GNAL: variants seen among roughly 807,000 people sequenced by gnomAD.
The protein encoded by GNAL is G protein subunit alpha L.
In GNAL, 18 loss-of-function variants were observed where a neutral mutation model predicts 55.1. The ratio of observed to expected loss-of-function variants is 0.33; its 90% CI spans 0.23 to 0.48. GNAL has a LOEUF of 0.48. GNAL is among the 20% of genes least tolerant of loss of function. The pLI, the probability that GNAL is intolerant of heterozygous loss-of-function variation, is 0.99. For synonymous variants in GNAL, 253 were observed against 237.0 expected, an observed-to-expected ratio of 1.07 and a Z score of -0.62; for missense variants, 412 against 614.1, an observed-to-expected ratio of 0.67 and a Z score of 3.48.
At chr18:11,747,171 C>G (rs1323646160) in intron 1 of GNAL, 1 of 388,018 alleles carries the variant, frequency 2.6e-6, no homozygotes, top group Non-Finnish European at 5.1e-6. Context: ...TCTGCATCAT[C>G]GATTTTCTTC....
Position 11,868,694 on chromosome 18 carries a change from T to C in GNAL, c.1031+31T>C, listed in dbSNP as rs1044957857. The C allele has an allele frequency of 1.9e-6, 3 of 1,582,346 alleles. No homozygotes were observed. The highest frequency in any genetic ancestry group is 1.8e-5 in the Admixed American group (1 of 54,548). On this transcript the variant is annotated intron_variant, in intron 9 of 11. Coordinates refer to ENST00000334049, the MANE Select transcript of GNAL (RefSeq NM_182978.4). This position sits in a 1 kb window ranked among gnomAD's most constrained non-coding sequence, Gnocchi z 4.0. ...AAAAATAGCAAATTCAGTCTTACCA[T>C]TGGATTGCAAATTTTCTTTTGTTAA... is the stretch of plus-strand genomic sequence containing the variant.
At position 11,697,940 on chromosome 18, in the gene GNAL, C is replaced by T. The variant is rs114605592; in HGVS notation, c.376+8001C>T. 4.8e-3 allele frequency among the ~76,000 whole-genome samples: 734 copies of T among 152,240 alleles called. 5 individuals are homozygous for T. Among genetic ancestry groups the T allele is most frequent in the African/African-American group, 0.017 (705 of 41,544 alleles). ...CAGAGATGGATGTGTCACCCAGAGT[C>T]ATTAGTGCACTGGCCAGGTTGGACA... On this transcript the variant is annotated intron_variant, in intron 1 of 11. Coordinates refer to ENST00000334049, the MANE Select transcript of GNAL (RefSeq NM_182978.4).
chr18:11,772,323 C>T (rs181591243), intron 4 of GNAL, among the ~76,000 whole-genome samples: 42 of 152,234 alleles, frequency 2.8e-4, no homozygotes, highest in Middle Eastern at 3.4e-3. Flanking sequence ...AAATTCCATA[C>T]TTAGTATTTA....
chr18:11,788,242 G>A (rs1156452427), intron 4 of GNAL, among the ~76,000 whole-genome samples: 1 of 152,154 alleles, frequency 6.6e-6, no homozygotes, highest in African/African-American at 2.4e-5. Flanking sequence ...GAATTCTTGG[G>A]TGAAGCCTTG....
chr18:11,880,291 G>A (rs549306530), intron 11 of GNAL, among the ~76,000 whole-genome samples: 68 of 150,046 alleles, frequency 4.5e-4, no homozygotes, highest in Non-Finnish European at 8.9e-4. Flanking sequence ...TAATTAGGTG[G>A]GGCACAGTGG....
intron 4 of GNAL, among the ~76,000 whole-genome samples, chr18:11,814,793 G>A (rs774837481): frequency 7.9e-5 from 12 of 151,820 alleles, no homozygotes; most frequent in Non-Finnish European, 1.6e-4. Context: ...AGCTACTTGG[G>A]AGGCTAAGGC....
intron 1 of GNAL, among the ~76,000 whole-genome samples, chr18:11,707,817 A>G (rs935949137): frequency 1.3e-5 from 2 of 152,208 alleles, no homozygotes; most frequent in Non-Finnish European, 2.9e-5. Flanking sequence ...AACTTTCTAT[A>G]TTAGCATTTG....
intron 4 of GNAL, among the ~76,000 whole-genome samples, chr18:11,796,285 C>A (rs2034376778): frequency 6.6e-6 from 1 of 152,064 alleles, no homozygotes; most frequent in South Asian, 2.1e-4. Context: ...GAAGATAAAA[C>A]CTTTCCACTG....
rs1021181509 is a variant in GNAL, at chr18:11,695,658, C to A, written c.376+5719C>A. Among the ~76,000 whole-genome samples the A allele has an allele frequency of 5.9e-5, 9 of 152,248 alleles. No individual in the cohort carries two copies. In the South Asian group the frequency reaches 1.0e-3, roughly 18 times the overall value. On this transcript the variant is annotated intron_variant, in intron 1 of 11. Coordinates refer to ENST00000334049, the MANE Select transcript of GNAL (RefSeq NM_182978.4). ...ACTCAACTACTCTTTTAATATGATT[C>A]TTTTCCTGGATTGTTATTCGAATTT...
At chr18:11,850,233 C>CT (rs2035827438) in intron 5 of GNAL, among the ~76,000 whole-genome samples, 1 of 152,218 alleles carries the variant, frequency 6.6e-6, no homozygotes, top group African/African-American at 2.4e-5. Flanking sequence ...AGCCAGCATG[C>CT]TGCACAGCAG....
chr18:11,731,623 G>C (rs1393615127), intron 1 of GNAL, among the ~76,000 whole-genome samples: 10 of 152,212 alleles, frequency 6.6e-5, no homozygotes. Flanking sequence ...AATCCAGAAA[G>C]ATTGCCATTT....
At chr18:11,872,181 ATTC>A (rs2036413422) in intron 9 of GNAL, 84 bp from the exon 10 acceptor site, 5 of 780,758 alleles carry the variant, frequency 6.4e-6, no homozygotes, top group Non-Finnish European at 8.3e-6. Flanking sequence ...AGACGATGGT[ATTC>A]TTTTAATTTA....
At chr18:11,811,480 CTG>C (rs976168649) in intron 4 of GNAL, 4 of 152,352 alleles carry the variant, frequency 2.6e-5, no homozygotes, top group Non-Finnish European at 5.9e-5. Flanking sequence ...GGCGAGGAAA[CTG>C]TTAAAACTGT....
At chr18:11,869,527 C>T (rs188116535) in intron 9 of GNAL, among the ~76,000 whole-genome samples, 3 of 152,278 alleles carry the variant, frequency 2.0e-5, no homozygotes, top group Admixed American at 1.3e-4. Context: ...AGATTATATT[C>T]GGCCTTCCAT....
At chr18:11,853,206 C>A (rs565679370) in intron 5 of GNAL, 1 of 167,150 alleles carries the variant, frequency 6.0e-6, no homozygotes, top group South Asian at 2.1e-4. Flanking sequence ...GAATGTTTTA[C>A]TTAGCCATGC....
intron 5 of GNAL, among the ~76,000 whole-genome samples, chr18:11,832,256 C>T (rs907768166): frequency 3.3e-5 from 5 of 152,196 alleles, no homozygotes; most frequent in African/African-American, 4.8e-5. Context: ...ATGCTCAGTA[C>T]GACACATGAT....
intron 1 of GNAL, among the ~76,000 whole-genome samples, chr18:11,735,147 T>G (rs982984770): frequency 6.6e-6 from 1 of 151,484 alleles, no homozygotes; most frequent in Non-Finnish European, 1.5e-5. Flanking sequence ...ACCTCCCAGG[T>G]TCAAGTGATT....
At chr18:11,739,097 T>G (rs777043012) in intron 1 of GNAL, among the ~76,000 whole-genome samples, 1 of 152,186 alleles carries the variant, frequency 6.6e-6, no homozygotes, top group Non-Finnish European at 1.5e-5. Flanking sequence ...GCAGCCTAGA[T>G]CCCTGGGGGC....
At chr18:11,810,238 CA>C (rs773158871) in intron 4 of GNAL, among the ~76,000 whole-genome samples, 67 of 152,072 alleles carry the variant, frequency 4.4e-4, no homozygotes, top group Non-Finnish European at 8.7e-4. Flanking sequence ...ACTAAAAATA[CA>C]AAAAAATAGC....
Sources: gnomAD v4.1 joint callset for allele counts (sites outside exome capture counted in the v4.1 genomes callset) on GRCh38, gnomAD v4.1.1 for gene constraint, Gnocchi (gnomAD v3.1) non-coding constraint, MANE v1.5 for transcripts, NCBI Gene and HGNC (gene_info 2026-07-23, HGNC 2026-07-21) for gene names.